WWOX: variants seen among roughly 807,000 people sequenced by gnomAD.
WWOX encodes the protein WW domain containing oxidoreductase, also known as WW domain-containing oxidoreductase.
Under a neutral mutation model 46.2 loss-of-function variants are expected in WWOX, and 69 were observed. The observed-to-expected ratio is 1.49, with a 90% CI of 1.23 to 1.82. The LOEUF is 1.82. Among genes scored for constraint, WWOX ranks in the 40% most tolerant of loss-of-function variants. The pLI is 0.00. For synonymous variants in WWOX, 359 were observed against 202.6 expected (o/e 1.77, Z -6.56); for missense variants, 919 against 542.6 (o/e 1.69, Z -6.89).
intron 8 of WWOX, among the ~76,000 whole-genome samples, chr16:78,982,614 C>A (rs891701053): frequency 1.3e-5 from 2 of 152,092 alleles, no homozygotes; most frequent in Non-Finnish European, 2.9e-5. Flanking sequence ...GGCTTCTTGA[C>A]AGGAGCAGGC....
chr16:78,486,558 C>T (rs2084642391), intron 8 of WWOX, among the ~76,000 whole-genome samples: 1 of 111,646 alleles, frequency 9.0e-6, no homozygotes, highest in Non-Finnish European at 1.8e-5. Flanking sequence ...AATTGACTTC[C>T]AGTTTTGTTT....
chr16:78,224,743 G>A (rs2036995400), intron 5 of WWOX, among the ~76,000 whole-genome samples: 1 of 152,132 alleles, frequency 6.6e-6, no homozygotes, highest in Non-Finnish European at 1.5e-5. Context: ...AAATATTGAG[G>A]CTACTATTTT....
At chr16:78,271,265 T>C (rs2079472791) in intron 5 of WWOX, among the ~76,000 whole-genome samples, 1 of 152,216 alleles carries the variant, frequency 6.6e-6, no homozygotes, top group Non-Finnish European at 1.5e-5. Flanking sequence ...GTTGTAGTCC[T>C]GGAAATTTTG....
intron 8 of WWOX, among the ~76,000 whole-genome samples, chr16:78,859,021 A>T (rs1347149954): frequency 6.0e-4 from 20 of 33,424 alleles, no homozygotes; most frequent in African/African-American, 1.7e-3. Context: ...AAAAAAAAAA[A>T]AAAAAAATAT....
chr16:78,691,912 G>A (rs991606459), intron 8 of WWOX, among the ~76,000 whole-genome samples: 1 of 152,202 alleles, frequency 6.6e-6, no homozygotes, highest in African/African-American at 2.4e-5. Flanking sequence ...ATGGGGCCCA[G>A]CCTTTCCCAT....
chr16:78,412,294 G>A (rs966677676), intron 6 of WWOX, among the ~76,000 whole-genome samples: 1 of 152,202 alleles, frequency 6.6e-6, no homozygotes, highest in African/African-American at 2.4e-5. Context: ...GGGAGGAGAT[G>A]TGAGGAGAGA....
rs550870522 is a variant in WWOX at position 78,656,530 on chromosome 16, C to T, written c.1056+223778C>T. Among the ~76,000 whole-genome samples, 305 of 152,206 alleles carry T rather than the reference C, an allele frequency of 2.0e-3. 4 individuals are homozygous for T. Among genetic ancestry groups the T allele is most frequent in the Non-Finnish European group, 1.4e-3 (96 of 68,008 alleles). ...CATGGCTGGAGTAGGAGGCAAGGAG[C>T]GAAGGAGGAGGTACTACCCACTTTT... On this transcript the variant is annotated intron_variant, in intron 8 of 8. Transcript: ENST00000566780.
intron 8 of WWOX, among the ~76,000 whole-genome samples, chr16:78,562,544 G>A (rs948208623): frequency 1.3e-5 from 2 of 152,282 alleles, no homozygotes. Context: ...CTCCATAAAT[G>A]TCTGCCCTTG....
chr16:78,765,441 G>T (rs149924652), intron 8 of WWOX, among the ~76,000 whole-genome samples: 1,735 of 152,322 alleles, frequency 0.011, 29 homozygotes, highest in African/African-American at 0.04. Flanking sequence ...CACTTTGGGA[G>T]GCTGAGGCGG....
chr16:78,976,204 T>G (rs1288742755), intron 8 of WWOX, among the ~76,000 whole-genome samples: 2 of 152,198 alleles, frequency 1.3e-5, no homozygotes, highest in African/African-American at 2.4e-5. Context: ...AACAAATGAA[T>G]GAATGAATGA....
chr16:78,605,757 A>G (rs2045741660), intron 8 of WWOX, among the ~76,000 whole-genome samples: 1 of 152,184 alleles, frequency 6.6e-6, no homozygotes, highest in Non-Finnish European at 1.5e-5. Flanking sequence ...CTTCATGGAA[A>G]GGATAGGAAG....
In WWOX at chr16:79,075,038, T is replaced by C. The variant is rs1048945321; in HGVS notation, c.1057-136570T>C. ...GTGACCCCAAAGACCCCAGAGAAACTCAGTATGAAAAATCACTATGGAAGT... is the reference window on the plus strand; with the variant it reads ...GTGACCCCAAAGACCCCAGAGAAACCCAGTATGAAAAATCACTATGGAAGT... On this transcript the variant is annotated intron_variant, in intron 8 of 8. Transcript: ENST00000566780. Among the ~76,000 whole-genome samples, 4 of 152,170 alleles carry C rather than the reference T, an allele frequency of 2.6e-5. No individual in the cohort carries two copies. The South Asian group carries it at 8.3e-4, about 31-fold the overall frequency.
chr16:78,794,711 GTTA>G (rs1176164765), intron 8 of WWOX, among the ~76,000 whole-genome samples: 1 of 152,212 alleles, frequency 6.6e-6, no homozygotes, highest in East Asian at 1.9e-4. Context: ...TACGCTTACT[GTTA>G]TTATTAGCTC....
At chr16:78,461,528 G>T (rs1235142685) in intron 8 of WWOX, among the ~76,000 whole-genome samples, 2 of 152,216 alleles carry the variant, frequency 1.3e-5, no homozygotes, top group Non-Finnish European at 2.9e-5. Context: ...AAGTCAAACA[G>T]ATCCTTTCGC....
chr16:78,618,487 TG>T (rs2046085808), intron 8 of WWOX, among the ~76,000 whole-genome samples: 2 of 152,172 alleles, frequency 1.3e-5, no homozygotes, highest in African/African-American at 2.4e-5. Context: ...GGCCTCTTCT[TG>T]TGAGGGCACT....
chr16:78,957,814 C>A (rs1221324016), intron 8 of WWOX, among the ~76,000 whole-genome samples: 1 of 152,104 alleles, frequency 6.6e-6, no homozygotes, highest in East Asian at 1.9e-4. Flanking sequence ...CAAAGCTGTC[C>A]CTGCGCTGGT....
chr16:78,432,792 C>G (rs540477472), intron 8 of WWOX, 40 bp downstream of exon 8: 2 of 1,613,698 alleles, frequency 1.2e-6, no homozygotes, highest in South Asian at 2.2e-5. Flanking sequence ...ACCTTGGGTC[C>G]TAGAGAAACC....
intron 8 of WWOX, among the ~76,000 whole-genome samples, chr16:78,942,327 A>T (rs1443964105): frequency 6.6e-6 from 1 of 152,202 alleles, no homozygotes; most frequent in African/African-American, 2.4e-5. Flanking sequence ...AAAGTCATCA[A>T]GCTGATTGAA....
At chr16:78,699,386 A>AAAG (rs1394712000) in intron 8 of WWOX, among the ~76,000 whole-genome samples, 1 of 151,892 alleles carries the variant, frequency 6.6e-6, no homozygotes, top group African/African-American at 2.4e-5. Flanking sequence ...AAAAAAAAAA[A>AAAG]AAATTAGCCA....
Sources: gnomAD v4.1 joint callset for allele counts (sites outside exome capture counted in the v4.1 genomes callset) on GRCh38, gnomAD v4.1.1 for gene constraint, MANE v1.5 for transcripts, NCBI Gene and HGNC (gene_info 2026-07-23, HGNC 2026-07-21) for gene names.